Variants in MAP3K20 observed in about 807,000 individuals in gnomAD.
The protein encoded by MAP3K20 is HCCS-4.
Under a neutral mutation model 85.7 loss-of-function variants are expected in MAP3K20, and 40 were observed. The ratio of observed to expected loss-of-function variants is 0.47; its 90% CI spans 0.36 to 0.61. The LOEUF is 0.61. Ranked by LOEUF, MAP3K20 falls within the 20% of genes least tolerant of loss-of-function variation. The pLI, the probability that MAP3K20 is intolerant of heterozygous loss-of-function variation, is 0.00. For synonymous variants in MAP3K20, 325 were observed against 327.7 expected (o/e 0.99, Z 0.09); for missense variants, 817 against 961.7 (o/e 0.85, Z 1.99).
At chr2:173,121,601 A>T (rs1272453400) in intron 2 of MAP3K20, among the ~76,000 whole-genome samples, 3 of 151,884 alleles carry the variant, frequency 2.0e-5, no homozygotes. Flanking sequence ...GTTAGCCAGG[A>T]TGGTCTCAAT....
chr2:173,156,850 G>C (rs1416703697), intron 2 of MAP3K20, among the ~76,000 whole-genome samples: 2 of 152,242 alleles, frequency 1.3e-5, no homozygotes, highest in Admixed American at 1.3e-4. Flanking sequence ...TGTATGTACA[G>C]ATGGGAAACC....
chr2:173,129,217 A>G (rs1336034178), intron 2 of MAP3K20, among the ~76,000 whole-genome samples: 3 of 152,248 alleles, frequency 2.0e-5, no homozygotes, highest in Middle Eastern at 3.4e-3. Context: ...CGCCCAGCCA[A>G]TTTTAGAAAT....
intron 16 of MAP3K20, among the ~76,000 whole-genome samples, chr2:173,255,559 G>A (rs921724039): frequency 2.0e-5 from 3 of 152,166 alleles, no homozygotes; most frequent in African/African-American, 7.2e-5. Flanking sequence ...CATGCCTAGA[G>A]CATAGTAAGC....
At chr2:173,161,814 C>T (rs1689666319) in intron 2 of MAP3K20, among the ~76,000 whole-genome samples, 1 of 152,120 alleles carries the variant, frequency 6.6e-6, no homozygotes. Flanking sequence ...TGAATGAACG[C>T]TGGTTTGTTC....
At chr2:173,144,477 AAAAAAAAAG>A (rs1689076706) in intron 2 of MAP3K20, among the ~76,000 whole-genome samples, 1 of 150,642 alleles carries the variant, frequency 6.6e-6, no homozygotes, top group African/African-American at 2.4e-5. Context: ...AAAAAAAAAA[AAAAAAAAAG>A]AAAAGAAAGA....
intron 2 of MAP3K20, among the ~76,000 whole-genome samples, chr2:173,156,951 T>G (rs2106234514): frequency 6.6e-6 from 1 of 152,328 alleles, no homozygotes; most frequent in Admixed American, 6.5e-5. Context: ...ACCTGGAATC[T>G]TCTTTTAAAG....
At position 173,258,833 on chromosome 2, in the gene MAP3K20, G is replaced by A. The variant is rs772098154; in HGVS notation, c.1476+18G>A. The A allele has an allele frequency of 2.1e-6, 3 of 1,458,310 alleles. No individual in the cohort carries two copies. The highest frequency in any genetic ancestry group is 2.3e-5 in the South Asian group (2 of 86,412). 90.3% of individuals were successfully genotyped at this position (1,458,310 alleles called of 1,614,324 possible). On this transcript the variant is annotated intron_variant, in intron 17 of 19. Transcript: ENST00000375213. ...TGACAAAGGTAGGGTTCTATTTACG[G>A]CTTAAAAGCTCTTTTGAATTCACAG...
rs1267331830 is a variant in MAP3K20, at chr2:173,205,111, A to AT, written c.744+1241_744+1242insT. Among the ~76,000 whole-genome samples, 130 of 139,082 alleles carry AT rather than the reference A, an allele frequency of 9.3e-4. 4 individuals are homozygous for AT. The highest frequency in any genetic ancestry group is 3.7e-3 in the South Asian group (15 of 4,012). The allele number at this position is 139,082 out of a possible 152,430, so 91.2% of individuals were successfully genotyped here. ...GAGCGAGACTCTGTCTCAAAAAAAA[A>AT]AAAAAAAAAAATAAATAAATAAAAT... is the stretch of plus-strand genomic sequence containing the variant. On this transcript the variant is annotated intron_variant, in intron 9 of 19. Transcript: ENST00000375213.
chr2:173,216,161 A>G (rs1684065395), intron 10 of MAP3K20, among the ~76,000 whole-genome samples: 2 of 152,108 alleles, frequency 1.3e-5, no homozygotes, highest in South Asian at 2.1e-4. Context: ...CAAAACATAG[A>G]TTTAGACTTA....
chr2:173,136,112 C>T (rs1389482691), intron 2 of MAP3K20, among the ~76,000 whole-genome samples: 1 of 152,142 alleles, frequency 6.6e-6, no homozygotes, highest in Admixed American at 6.5e-5. Context: ...CTAAAATTAG[C>T]TGTAACAAAA....
chr2:173,206,507 TCTC>T (rs1683690989), intron 9 of MAP3K20, among the ~76,000 whole-genome samples: 1 of 152,238 alleles, frequency 6.6e-6, no homozygotes, highest in Non-Finnish European at 1.5e-5. Context: ...TCACTGCTGA[TCTC>T]CTCTAGACAC....
At chr2:173,179,200 T>C (rs140524281) in intron 3 of MAP3K20, among the ~76,000 whole-genome samples, 2,647 of 152,102 alleles carry the variant, frequency 0.017, 71 homozygotes, top group African/African-American at 0.058. Context: ...GAGACCATCC[T>C]GGCTGACACA....
At chr2:173,145,396 C>T (rs1290376119) in intron 2 of MAP3K20, among the ~76,000 whole-genome samples, 1 of 152,100 alleles carries the variant, frequency 6.6e-6, no homozygotes, top group East Asian at 1.9e-4. Flanking sequence ...CACTTGCTTT[C>T]AGAATATTTA....
At chr2:173,242,000 T>A (rs1448160706) in intron 16 of MAP3K20, among the ~76,000 whole-genome samples, 1 of 152,146 alleles carries the variant, frequency 6.6e-6, no homozygotes, top group Non-Finnish European at 1.5e-5. Context: ...ACCCCTAAGT[T>A]CATCTGATGG....
intron 2 of MAP3K20, among the ~76,000 whole-genome samples, chr2:173,148,482 A>C (rs1368910126): frequency 6.6e-6 from 1 of 152,190 alleles, no homozygotes; most frequent in Admixed American, 6.5e-5. Flanking sequence ...CCTTAGGATG[A>C]GTGGTGTGAG....
chr2:173,246,461 C>A (rs1397328091), intron 16 of MAP3K20, among the ~76,000 whole-genome samples: 1 of 152,180 alleles, frequency 6.6e-6, no homozygotes, highest in African/African-American at 2.4e-5. Context: ...GCAACCACCC[C>A]TTTTTATTAA....
chr2:173,076,477 C>T (rs997671034), intron 1 of MAP3K20, among the ~76,000 whole-genome samples: 2 of 152,190 alleles, frequency 1.3e-5, no homozygotes, highest in Non-Finnish European at 2.9e-5. Context: ...GGCCACTTCC[C>T]AGCACTCGCT....
intron 1 of MAP3K20, among the ~76,000 whole-genome samples, chr2:173,085,794 T>TTTTC (rs1687128919): frequency 7.5e-6 from 1 of 132,604 alleles, no homozygotes; most frequent in Admixed American, 7.5e-5. Flanking sequence ...ATTTTTTTTT[T>TTTTC]TTTTTTTTTT....
At chr2:173,126,945 C>T (rs1688462784) in intron 2 of MAP3K20, among the ~76,000 whole-genome samples, 1 of 152,172 alleles carries the variant, frequency 6.6e-6, no homozygotes, top group Non-Finnish European at 1.5e-5. Flanking sequence ...AACTTCTGTG[C>T]TGGCCATGTG....
Sources: gnomAD v4.1 joint callset for allele counts (sites outside exome capture counted in the v4.1 genomes callset) on GRCh38, gnomAD v4.1.1 for gene constraint, MANE v1.5 for transcripts, NCBI Gene and HGNC (gene_info 2026-07-23, HGNC 2026-07-21) for gene names.